The following KLRD1 variants were observed in gnomAD, a reference collection of about 807,000 sequenced individuals.
KLRD1 encodes the protein natural killer cells antigen CD94.
In KLRD1, 21 loss-of-function variants were observed where a neutral mutation model predicts 22.6. The ratio of observed to expected loss-of-function variants is 0.93; its 90% CI spans 0.66 to 1.34. The LOEUF (loss-of-function observed/expected upper bound fraction) is 1.34, where lower values mean the gene tolerates loss of function less well. Ranked by LOEUF, KLRD1 falls within the 40% of genes most tolerant of loss-of-function variation. The probability of loss-of-function intolerance (pLI) is 0.00; values close to 1 mark genes in which losing one functional copy is unlikely to be tolerated. For synonymous variants in KLRD1, 59 were observed against 71.1 expected, an observed-to-expected ratio of 0.83 and a Z score of 0.85; for missense variants, 183 against 208.6, an observed-to-expected ratio of 0.88 and a Z score of 0.76.
At chr12:10,270,562 T>C (rs1159759983) in intron 1 of KLRD1, among the ~76,000 whole-genome samples, 1 of 152,174 alleles carries the variant, frequency 6.6e-6, no homozygotes, top group Non-Finnish European at 1.5e-5. Context: ...AAAATGTAAG[T>C]TCATGGGAGC....
At chr12:10,244,271 A>C (rs1949270283) in intron 1 of KLRD1, among the ~76,000 whole-genome samples, 1 of 152,136 alleles carries the variant, frequency 6.6e-6, no homozygotes, top group South Asian at 2.1e-4. Flanking sequence ...GCAAACGCCT[A>C]AACAGAGCTC....
chr12:10,308,096 T>C lies in KLRD1; in HGVS notation c.7+12T>C. 6.2e-7 allele frequency: 1 copy of C among 1,610,828 alleles called. No individual in the cohort carries two copies. The highest frequency in any genetic ancestry group is 1.1e-5 in the South Asian group (1 of 91,002). ...ATTTCTCATGGCAGGTATGTGTGAT[T>C]TCAGTCACTAAATTAAAAATAACCA... On this transcript the variant is annotated intron_variant, in intron 1 of 5. Coordinates refer to ENST00000336164, the MANE Select transcript of KLRD1 (RefSeq NM_002262.5).
intron 1 of KLRD1, among the ~76,000 whole-genome samples, chr12:10,289,093 A>G (rs1434640928): frequency 6.6e-6 from 1 of 151,450 alleles, no homozygotes; most frequent in Non-Finnish European, 1.5e-5. Context: ...AGGCTAAGAC[A>G]GGGGCTCAGT....
At position 10,324,115 on chromosome 12, in the gene KLRD1, A is replaced by ATT. The variant is rs1451327461; in HGVS notation, c.*9322_*9323insTT. ...GACCTCAACTGCTCCACCTGCCTTG[A>ATT]CCTCCCAAAGTGCTGGAATTACAGG... On this transcript the variant is annotated 3_prime_UTR_variant, in exon 6 of 6. Coordinates refer to ENST00000336164, the MANE Select transcript of KLRD1 (RefSeq NM_002262.5). The ATT allele has an allele frequency of 6.7e-6, 1 of 150,340 alleles. No individual in the cohort carries two copies. Among genetic ancestry groups the ATT allele is most frequent in the East Asian group, 2.0e-4 (1 of 5,126 alleles). The allele number at this position is 150,340 out of a possible 1,614,324, so 9.3% of individuals were successfully genotyped here.
Position 10,320,551 on chromosome 12 carries a change from T to C in KLRD1, c.*5758T>C, listed in dbSNP as rs1242744736. ...ATCTTGTCTGATTTCTTCCTACTACTTATATTACAATGCTATAGAACACAC... is the reference window on the plus strand; with the variant it reads ...ATCTTGTCTGATTTCTTCCTACTACCTATATTACAATGCTATAGAACACAC... On this transcript the variant is annotated 3_prime_UTR_variant, in exon 6 of 6. Coordinates refer to ENST00000336164, the MANE Select transcript of KLRD1 (RefSeq NM_002262.5). 2.0e-5 allele frequency: 3 copies of C among 152,230 alleles called. No individual in the cohort carries two copies. Among genetic ancestry groups the C allele is most frequent in the East Asian group, 3.8e-4 (2 of 5,196 alleles). The allele number at this position is 152,230 out of a possible 1,614,324, so 9.4% of individuals were successfully genotyped here. A position where few individuals can be genotyped will look rare whatever the true frequency, so the allele number is the denominator to read the frequency against.
At chr12:10,314,584 C>A in intron 5 of KLRD1, 89 bp from the exon 6 acceptor site, 1 of 1,234,016 alleles carries the variant, frequency 8.1e-7, no homozygotes, top group Non-Finnish European at 1.1e-6. Context: ...CACTCAAATG[C>A]TTTTAAAATT....
At chr12:10,272,067 T>C (rs1320360588) in intron 1 of KLRD1, among the ~76,000 whole-genome samples, 1 of 152,166 alleles carries the variant, frequency 6.6e-6, no homozygotes, top group Admixed American at 6.6e-5. Flanking sequence ...TAATGGGCAT[T>C]AGCATCTGCA....
At chr12:10,274,929 C>T (rs530947984) in intron 1 of KLRD1, among the ~76,000 whole-genome samples, 181 of 152,166 alleles carry the variant, frequency 1.2e-3, no homozygotes, top group Non-Finnish European at 1.9e-3. Context: ...GTTGCTCTGT[C>T]ACCCAGGCTG....
At chr12:10,287,108 C>T (rs1197798640) in intron 1 of KLRD1, among the ~76,000 whole-genome samples, 2 of 152,014 alleles carry the variant, frequency 1.3e-5, no homozygotes. Context: ...TGCACTCCAG[C>T]CTGGGTGACA....
At chr12:10,294,571 T>C (rs1949805341) in intron 1 of KLRD1, among the ~76,000 whole-genome samples, 1 of 151,720 alleles carries the variant, frequency 6.6e-6, no homozygotes, top group Admixed American at 6.6e-5. Context: ...GCTAATTTTT[T>C]GTATTTTTAG....
rs893590165 is a variant in KLRD1, at chr12:10,277,148, T to C, written c.-100-30830T>C. ...TTTTTTTTTTTTTTTAGATATTTGA[T>C]ATTCCAAAGGTAGAGGTGGGTTTCT... On this transcript the variant is annotated intron_variant, in intron 1 of 5. Coordinates refer to the KLRD1 transcript ENST00000544747. Among the ~76,000 whole-genome samples, 3 of 148,026 alleles carry C rather than the reference T, an allele frequency of 2.0e-5. No individual in the cohort carries two copies. In the South Asian group the frequency reaches 6.4e-4, roughly 32 times the overall value.
intron 1 of KLRD1, among the ~76,000 whole-genome samples, chr12:10,275,124 A>T (rs139878978): frequency 0.016 from 2,392 of 152,290 alleles, 54 homozygotes; most frequent in African/African-American, 0.054. Flanking sequence ...TCCTGAACTC[A>T]GGTGATCTGC....
At chr12:10,282,535 G>A (rs935678172) in intron 1 of KLRD1, among the ~76,000 whole-genome samples, 5 of 152,104 alleles carry the variant, frequency 3.3e-5, no homozygotes, top group African/African-American at 9.7e-5. Context: ...GGGATTACAG[G>A]TGTGAGCCAC....
At chr12:10,257,844 G>A (rs2537801) in intron 1 of KLRD1, among the ~76,000 whole-genome samples, 131,175 of 151,998 alleles carry the variant, frequency 0.86, 58,585 homozygotes, top group Non-Finnish European at 0.98. Flanking sequence ...ACCTCTCCCA[G>A]TCTTTGAAGA....
chr12:10,301,088 C>T (rs777273099), upstream of KLRD1, among the ~76,000 whole-genome samples: 1 of 152,134 alleles, frequency 6.6e-6, no homozygotes, highest in Non-Finnish European at 1.5e-5. Context: ...AAAATGGCCC[C>T]ACCCCCAAAT....
In KLRD1 at chr12:10,240,691, GACTC is replaced by G. The variant is rs151285744; in HGVS notation, c.-101+14463_-101+14466del. ...CCATCACCCAGCTTCAACAAGCATC[GACTC>G]ACTCTCCAATCAAGGTGAAATATCA... On this transcript the variant is annotated intron_variant, in intron 1 of 5. Transcript: ENST00000544747. Among the ~76,000 whole-genome samples, 246 of 152,178 alleles carry G rather than the reference GACTC, an allele frequency of 1.6e-3. 4 individuals carry two copies. The East Asian group carries it at 0.043, about 27-fold the overall frequency.
upstream of KLRD1, among the ~76,000 whole-genome samples, chr12:10,299,595 G>C (rs1279580682): frequency 5.3e-5 from 8 of 152,158 alleles, no homozygotes; most frequent in Non-Finnish European, 1.2e-4. Context: ...GATCATCTAA[G>C]CTTTCAGCCA....
intron 1 of KLRD1, among the ~76,000 whole-genome samples, chr12:10,244,188 G>A (rs904724091): frequency 1.1e-4 from 16 of 152,038 alleles, no homozygotes; most frequent in Non-Finnish European, 1.8e-4. Flanking sequence ...AAATATCTAC[G>A]TCATAGAACT....
At chr12:10,260,674 C>T (rs531363481) in intron 1 of KLRD1, among the ~76,000 whole-genome samples, 2 of 152,138 alleles carry the variant, frequency 1.3e-5, no homozygotes, top group East Asian at 3.9e-4. Flanking sequence ...GGCGTGGTGG[C>T]TCACGCCTGT....
Sources: allele counts gnomAD v4.1 joint callset (sites outside exome capture counted in the v4.1 genomes callset), GRCh38; gene constraint gnomAD v4.1.1; transcripts MANE v1.5; gene names NCBI Gene and HGNC (gene_info 2026-07-23, HGNC 2026-07-21).